The following PLA2G4B variants were observed in gnomAD, a reference collection of about 807,000 sequenced individuals.
The protein encoded by PLA2G4B is phospholipase A2 group IVB.
PLA2G4B carries 122 observed loss-of-function variants against 95.8 expected under a neutral mutation model. The observed-to-expected ratio is 1.27, with a 90% confidence interval of 1.10 to 1.48. The LOEUF is 1.48. Ranked by LOEUF, PLA2G4B falls within the 40% of genes most tolerant of loss-of-function variation. PLA2G4B has a pLI of 0.00. For missense variants in PLA2G4B, 1,158 were observed against 996.2 expected, an observed-to-expected ratio of 1.16 and a Z score of -2.19; for synonymous variants, 518 against 421.5, an observed-to-expected ratio of 1.23 and a Z score of -2.80.
intron 10 of PLA2G4B, 25 bp downstream of exon 10, chr15:41,842,616 G>C: frequency 6.2e-7 from 1 of 1,606,690 alleles, no homozygotes; most frequent in East Asian, 2.2e-5. Flanking sequence ...TGGGGACTGG[G>C]CAAGGCCCTG....
rs1232568094 is a variant in PLA2G4B, at chr15:41,841,068, T to G, written c.365T>G (p.Leu122Arg). The G allele has an allele frequency of 6.3e-7, 1 of 1,584,438 alleles. No homozygotes were observed. The highest frequency in any genetic ancestry group is 1.7e-5 in the Admixed American group (1 of 57,888). ...CTCTCTTCCCAGGGTGAGGGGCGCC[T>G]GGAAGTTGAATTTCGCCTGCAGAGT... ...FSLSPQGEGRLEVEFRLQSLA... is the reference protein window; with the variant it reads ...FSLSPQGEGRREVEFRLQSLA... The change falls in exon 5 of 20, where the codon CTG becomes CGG. Residue 122 changes from leucine to arginine, a missense_variant. Coordinates refer to ENST00000458483, the MANE Select transcript of PLA2G4B (RefSeq NM_001114633.2).
intron 2 of PLA2G4B, 107 bp downstream of exon 2, chr15:41,840,337 A>G (rs1595418098): frequency 3.2e-6 from 5 of 1,570,308 alleles, no homozygotes; most frequent in Non-Finnish European, 1.7e-6. Flanking sequence ...GCCGGTGGGC[A>G]GGGCCTAGAG....
At chr15:41,844,330 C>A in intron 11 of PLA2G4B, 141 bp from the exon 12 acceptor site, 1 of 1,408,066 alleles carries the variant, frequency 7.1e-7, no homozygotes, top group Non-Finnish European at 9.7e-7. Context: ...GCCCCCAGGG[C>A]TGACTGAGAA....
chr15:41,842,425 C>G, intron 9 of PLA2G4B, 129 bp from the exon 10 acceptor site: 1 of 1,554,758 alleles, frequency 6.4e-7, no homozygotes, highest in Non-Finnish European at 8.7e-7. Flanking sequence ...TCTGAGCATC[C>G]CTGCTTCAGG....
Position 41,842,353 on chromosome 15 carries a change from C to T in PLA2G4B, c.705+77C>T, listed in dbSNP as rs1479289889. On this transcript the variant is annotated intron_variant, in intron 9 of 19. Transcript: ENST00000458483. ...AGGCCACAAAGGGAGGGGCCTGCTT[C>T]CCGCTTCTCCGTGGGTCACACCCTG... The T allele has an allele frequency of 5.0e-6, 8 of 1,590,572 alleles. No homozygotes were observed. The African/African-American group carries it at 6.8e-5, about 13-fold the overall frequency.
chr15:41,841,013 T>G lies in PLA2G4B; in HGVS notation c.352-42T>G, dbSNP rs565650295. The G allele has an allele frequency of 1.9e-6, 3 of 1,569,168 alleles. No homozygotes were observed. The African/African-American group carries it at 4.0e-5, about 21-fold the overall frequency. ...CTCATACTCACTGACATATGTGCAC[T>G]CCTTCTGACCCTTTCTAACTTACTT... On this transcript the variant is annotated intron_variant, in intron 4 of 19. Transcript: ENST00000458483.
chr15:41,845,713 C>T lies in PLA2G4B; in HGVS notation c.1433C>T (p.Ser478Phe). The T allele has an allele frequency of 6.2e-7, 1 of 1,613,226 alleles. No homozygotes were observed. The highest frequency in any genetic ancestry group is 8.5e-7 in the Non-Finnish European group (1 of 1,179,664). Residue 478 changes from serine (S) to phenylalanine (F), a missense_variant, in exon 15 of 20, where the codon TCC (serine) becomes TTC (phenylalanine). By Grantham distance (155) the Ser-to-Phe change is radical. Transcript: ENST00000458483. ...TTCATCCCCTCTGAGCTCTTTGGCT[C>T]CGAGTTCTTTATGGGGCAGCTGATG... Reference protein sequence around the residue: ...GAFIPSELFGSEFFMGQLMKR... With the variant: ...GAFIPSELFGFEFFMGQLMKR...
rs369920873 is a variant in PLA2G4B, at chr15:41,844,873, C to G, written c.1042C>G (p.Pro348Ala). The G allele has an allele frequency of 1.6e-5, 25 of 1,609,348 alleles. No homozygotes were observed. Among genetic ancestry groups the G allele is most frequent in the Non-Finnish European group, 2.0e-5 (24 of 1,178,284 alleles). Residue 348 changes from proline (P) to alanine (A), a missense_variant, in exon 13 of 20, where the codon CCA becomes GCA. Pro to Ala is a conservative substitution (Grantham distance 27). Transcript: ENST00000458483. ...GGCCTTGGCCAACCTTTATGAGGACCCAGAGTGGTCTCAGAAGGACCTGGC... is the reference window on the plus strand; with the variant it reads ...GGCCTTGGCCAACCTTTATGAGGACGCAGAGTGGTCTCAGAAGGACCTGGC... ...TWALANLYED[P>A]EWSQKDLAGP... is the part of the protein sequence containing the mutation.
chr15:41,842,649 TGGAGGAGGCCTGGA>T (rs1208814056), intron 10 of PLA2G4B, 58 bp downstream of exon 10: 14 of 1,593,558 alleles, frequency 8.8e-6, no homozygotes, highest in Non-Finnish European at 1.2e-5. Flanking sequence ...GGTGCGGGGC[TGGAGGAGGCCTGGA>T]GGAGTGAGGG....
chr15:41,841,200 C>T, intron 5 of PLA2G4B, 31 bp from the exon 6 acceptor site: 2 of 1,613,984 alleles, frequency 1.2e-6, no homozygotes, highest in South Asian at 2.2e-5. Flanking sequence ...ACCTGGACTC[C>T]TGCTAAGGGG....
At chr15:41,844,721 G>C in intron 12 of PLA2G4B, 114 bp downstream of exon 12, 1 of 1,575,624 alleles carries the variant, frequency 6.3e-7, no homozygotes, top group South Asian at 1.2e-5. Context: ...GTGCCAGGGA[G>C]AAACGTGCTC....
At position 41,846,323 on chromosome 15, in the gene PLA2G4B, T is replaced by C. The variant is rs746882786; in HGVS notation, c.1721T>C (p.Leu574Pro). ...RPLAQATHNF[L>P]RGLHFHKDYF... ...CTGGCCCAGGCCACACATAATTTCC[T>C]GCGTGGCCTCCATTTCCACAAAGAC... The change falls in exon 17 of 20, where the codon CTG (leucine) becomes CCG (proline). Residue 574 changes from leucine (L) to proline (P), a missense_variant. Coordinates refer to ENST00000458483, the MANE Select transcript of PLA2G4B (RefSeq NM_001114633.2). 9 of 1,612,388 alleles carry C rather than the reference T, an allele frequency of 5.6e-6. No homozygotes were observed. In the East Asian group the frequency reaches 6.7e-5, roughly 12 times the overall value.
In PLA2G4B at chr15:41,847,152, C is replaced by T. The variant is rs546828372; in HGVS notation, c.1948-185C>T. ...CTGGGAGTAACCCGGCTCCGTCTAG[C>T]CCCAGAGGAGCTGCCACCGAGGCCT... On this transcript the variant is annotated intron_variant, in intron 18 of 19. Transcript: ENST00000458483. Among the ~76,000 whole-genome samples the T allele has an allele frequency of 4.6e-5, 7 of 152,002 alleles. No individual in the cohort carries two copies. The East Asian group carries it at 1.4e-3, about 30-fold the overall frequency.
intron 15 of PLA2G4B, 79 bp downstream of exon 15, chr15:41,845,854 A>T (rs1011809939): frequency 1.3e-6 from 2 of 1,527,208 alleles, no homozygotes; most frequent in African/African-American, 2.8e-5. Flanking sequence ...CCTCGGTCAG[A>T]AGAGTTTCCT....
rs1171922031 is a variant in PLA2G4B, at chr15:41,841,942, G to A, written c.614G>A (p.Arg205His). ...PACWEQELSI[R>H]LQDAPEEQLK... ...TGCTGGGAGCAGGAGCTGAGTATTC[G>A]CCTGCAGGTAGTGTGCCTCGCTCCC... Residue 205 changes from arginine to histidine, a missense_variant, in exon 8 of 20, where the codon CGC becomes CAC. By Grantham distance (29) the Arg-to-His change is conservative (BLOSUM62 0). Coordinates refer to ENST00000458483, the MANE Select transcript of PLA2G4B (RefSeq NM_001114633.2). 3.7e-6 allele frequency: 6 copies of A among 1,611,582 alleles called. No homozygotes were observed. The highest frequency in any genetic ancestry group is 5.1e-6 in the Non-Finnish European group (6 of 1,179,570).
intron 1 of PLA2G4B, 197 bp from the exon 2 acceptor site, chr15:41,839,961 G>T: frequency 1.6e-6 from 1 of 633,602 alleles, no homozygotes; most frequent in Non-Finnish European, 2.7e-6. Flanking sequence ...AGCCGGCGCA[G>T]AGCATTGTGT....
Position 41,845,479 on chromosome 15 carries a change from G to A in PLA2G4B, c.1357+159G>A, listed in dbSNP as rs557640873. ...CCTACCAGGGTCCCTCAGCCCTTTG[G>A]GAAGGAGGCAGGGGCCTTAGGTCCT... On this transcript the variant is annotated intron_variant, in intron 14 of 19. Transcript: ENST00000458483. 3.2e-5 allele frequency: 47 copies of A among 1,456,910 alleles called. No homozygotes were observed. The African/African-American group carries it at 6.2e-4, about 19-fold the overall frequency. 90.2% of individuals were successfully genotyped at this position (1,456,910 alleles called of 1,614,324 possible). A position where few individuals can be genotyped will look rare whatever the true frequency, so the allele number is the denominator to read the frequency against.
rs753441242 is a variant in PLA2G4B at position 41,846,235 on chromosome 15, G to C, written c.1633G>C (p.Glu545Gln). 1 of 1,614,034 alleles carries C rather than the reference G, an allele frequency of 6.2e-7. No homozygotes were observed. Among genetic ancestry groups the C allele is most frequent in the Non-Finnish European group, 8.5e-7 (1 of 1,179,982 alleles). Residue 545 changes from glutamate to glutamine, a missense_variant, in exon 17 of 20, where the codon GAA becomes CAA. Physicochemically the swap from Glu to Gln is conservative, Grantham distance 29. Transcript: ENST00000458483. ...GCAGGTCCCCCTTCTGAAGATAGAA[G>C]AACCACCCTCAACAGCCGGCAGGAT... is the stretch of plus-strand genomic sequence containing the variant. The part of the protein sequence containing the change: ...KEQVPLLKIE[E>Q]PPSTAGRIAE...
Position 41,847,248 on chromosome 15 carries a change from G to C in PLA2G4B, c.1948-89G>C, listed in dbSNP as rs1055262875. 3.3e-6 allele frequency: 5 copies of C among 1,492,698 alleles called. No homozygotes were observed. The African/African-American group carries it at 7.0e-5, about 21-fold the overall frequency. The allele number at this position is 1,492,698 out of a possible 1,614,324, so 92.5% of individuals were successfully genotyped here. On this transcript the variant is annotated intron_variant, in intron 18 of 19. Coordinates refer to ENST00000458483, the MANE Select transcript of PLA2G4B (RefSeq NM_001114633.2). ...CACTGGAGACCGTTTTGGCATTTGA[G>C]CCCCAGGTCCTGTGCATCTTACGTC...
Sources: allele counts gnomAD v4.1 joint callset (sites outside exome capture counted in the v4.1 genomes callset), GRCh38; gene constraint gnomAD v4.1.1; transcripts MANE v1.5; gene names NCBI Gene and HGNC (gene_info 2026-07-23, HGNC 2026-07-21).